Variants in PDLIM1 observed in about 807,000 individuals in gnomAD.
The protein encoded by PDLIM1 is PDZ and LIM domain 1, also known as PDZ and LIM domain protein 1.
Under a neutral mutation model 35.2 loss-of-function variants are expected in PDLIM1, and 25 were observed. That is an observed-to-expected ratio of 0.71 (90% CI 0.52 to 0.99). The LOEUF (loss-of-function observed/expected upper bound fraction) is 0.99, where lower values mean the gene tolerates loss of function less well. PDLIM1 is among the 50% of genes least tolerant of loss of function. PDLIM1 has a pLI of 0.00. For synonymous variants in PDLIM1, 152 were observed against 154.0 expected, an observed-to-expected ratio of 0.99 and a Z score of 0.10; for missense variants, 363 against 415.3, an observed-to-expected ratio of 0.87 and a Z score of 1.09.
At chr10:95,276,570 A>ATCC (rs2035513229) in intron 1 of PDLIM1, among the ~76,000 whole-genome samples, 1 of 152,196 alleles carries the variant, frequency 6.6e-6, no homozygotes, top group African/African-American at 2.4e-5. Context: ...GCCAAACACT[A>ATCC]TTTATCACAA....
chr10:95,268,223 C>CT (rs45520138), intron 3 of PDLIM1, among the ~76,000 whole-genome samples: 2,339 of 151,988 alleles, frequency 0.015, 14 homozygotes, highest in Non-Finnish European at 0.022. Flanking sequence ...CTATGTACTG[C>CT]TTTTTTTTAT....
chr10:95,289,983 C>G (rs927628579), intron 1 of PDLIM1, among the ~76,000 whole-genome samples: 2 of 152,236 alleles, frequency 1.3e-5, no homozygotes, highest in African/African-American at 4.8e-5. Flanking sequence ...CTGGGTCTCC[C>G]TGGGGGTTTC....
chr10:95,276,349 G>C (rs1350565344), intron 1 of PDLIM1, among the ~76,000 whole-genome samples: 4 of 151,834 alleles, frequency 2.6e-5, no homozygotes, highest in Non-Finnish European at 5.9e-5. Flanking sequence ...TTCTACATAG[G>C]ACCTGGAGTG....
At position 95,280,361 on chromosome 10, in the gene PDLIM1, C is replaced by T. The variant is rs529557242; in HGVS notation, c.97-8577G>A. ...CTGCACTCCAGCCTGGGCAACAGAG[C>T]GAGATTCCATCTCCAAAAAATTAAA... On this transcript the variant is annotated intron_variant, in intron 1 of 6. Coordinates refer to ENST00000329399, the MANE Select transcript of PDLIM1 (RefSeq NM_020992.4). 1.4e-4 allele frequency among the ~76,000 whole-genome samples: 22 copies of T among 152,130 alleles called. 1 individual carries two copies. The highest frequency in any genetic ancestry group is 6.5e-4 in the Admixed American group (10 of 15,274).
Position 95,252,575 on chromosome 10 carries a change from C to T in PDLIM1, c.534-5209G>A, listed in dbSNP as rs538005747. ...ATAAGACAATAAAGAGATGCCAACA[C>T]CAAGATGACAGAGATGTTGGGATTA... On this transcript the variant is annotated intron_variant, in intron 4 of 6. Transcript: ENST00000329399. 2.0e-5 allele frequency among the ~76,000 whole-genome samples: 3 copies of T among 152,186 alleles called. No homozygotes were observed. The South Asian group carries it at 6.2e-4, about 32-fold the overall frequency.
intron 1 of PDLIM1, among the ~76,000 whole-genome samples, chr10:95,285,651 T>A (rs2035596186): frequency 6.6e-6 from 1 of 152,128 alleles, no homozygotes; most frequent in East Asian, 1.9e-4. Flanking sequence ...TATATTACTA[T>A]GACATAGAGA....
At chr10:95,280,364 G>A (rs562588547) in intron 1 of PDLIM1, among the ~76,000 whole-genome samples, 5 of 152,228 alleles carry the variant, frequency 3.3e-5, no homozygotes, top group Admixed American at 1.3e-4. Context: ...AACAGAGCGA[G>A]ATTCCATCTC....
intron 1 of PDLIM1, among the ~76,000 whole-genome samples, chr10:95,272,667 A>AAAT (rs1283813185): frequency 1.3e-5 from 2 of 151,898 alleles, no homozygotes; most frequent in South Asian, 2.1e-4. Context: ...TCGTCTCAAA[A>AAAT]AATAATAATA....
At position 95,270,401 on chromosome 10, in the gene PDLIM1, A is replaced by T. The variant is rs192875689; in HGVS notation, c.248+1232T>A. On this transcript the variant is annotated intron_variant, in intron 2 of 6. Coordinates refer to ENST00000329399, the MANE Select transcript of PDLIM1 (RefSeq NM_020992.4). ...TCTAACCAAAGGCTCCATGACAAAG[A>T]GCTGTGGCAGCTAAGGTTAGTGAGA... Among the ~76,000 whole-genome samples the T allele has an allele frequency of 2.2e-3, 336 of 152,260 alleles. 1 individual carries two copies. Among genetic ancestry groups the T allele is most frequent in the African/African-American group, 6.6e-3 (276 of 41,564 alleles).
At chr10:95,248,809 G>C (rs1452469642) in intron 4 of PDLIM1, among the ~76,000 whole-genome samples, 1 of 152,176 alleles carries the variant, frequency 6.6e-6, no homozygotes, top group Non-Finnish European at 1.5e-5. Flanking sequence ...GGAAACACTA[G>C]CTTCACAGCC....
intron 1 of PDLIM1, among the ~76,000 whole-genome samples, chr10:95,284,884 G>A (rs1351522501): frequency 2.0e-5 from 3 of 152,144 alleles, no homozygotes; most frequent in Non-Finnish European, 4.4e-5. Context: ...ACTCAGCCAC[G>A]GATGAGCAGC....
At chr10:95,275,530 C>T (rs2035503000) in intron 1 of PDLIM1, among the ~76,000 whole-genome samples, 1 of 152,174 alleles carries the variant, frequency 6.6e-6, no homozygotes, top group Non-Finnish European at 1.5e-5. Flanking sequence ...AATATGTAAT[C>T]AGCCTGCTTC....
At chr10:95,247,444 G>T in intron 4 of PDLIM1, 78 bp from the exon 5 acceptor site, 1 of 1,164,160 alleles carries the variant, frequency 8.6e-7, no homozygotes, top group Non-Finnish European at 1.2e-6. Context: ...CCTCCAGGCA[G>T]ACACTGCTGA....
chr10:95,271,704 G>A lies in PDLIM1; in HGVS notation c.177C>T (p.Ser59=). 1 of 1,612,108 alleles carries A rather than the reference G, an allele frequency of 6.2e-7. No individual in the cohort carries two copies. The highest frequency in any genetic ancestry group is 1.1e-5 in the South Asian group (1 of 90,592). ...TCTGAGCTTCCAAGTGTGTCATATT[G>A]CTAGTATTTTCCCCATCAATGGCTG... ...VITAIDGENT[S]NMTHLEAQNR... Residue 59 remains serine, a synonymous_variant, in exon 2 of 7, where the codon AGC becomes AGT. Coordinates refer to ENST00000329399, the MANE Select transcript of PDLIM1 (RefSeq NM_020992.4).
intron 3 of PDLIM1, among the ~76,000 whole-genome samples, chr10:95,268,453 C>G (rs1296671227): frequency 6.6e-6 from 1 of 152,162 alleles, no homozygotes; most frequent in South Asian, 2.1e-4. Flanking sequence ...TTGCTGAAAT[C>G]CATAACGAGC....
At position 95,238,619 on chromosome 10, in the gene PDLIM1, A is replaced by G; in HGVS notation, c.752T>C (p.Ile251Thr). 1 of 1,614,046 alleles carries G rather than the reference A, an allele frequency of 6.2e-7. No individual in the cohort carries two copies. The highest frequency in any genetic ancestry group is 2.2e-5 in the East Asian group (1 of 44,882). Residue 251 changes from isoleucine to threonine, a missense_variant, in exon 6 of 7, where the codon ATT becomes ACT. Physicochemically the swap from Ile to Thr is moderately conservative, Grantham distance 89 (BLOSUM62 -1). Transcript: ENST00000329399. ...KAPVTKVAAS[I>T]GNAQKLPMCD... The stretch of plus-strand genomic sequence containing the variant: ...CATAGGCAACTTCTGAGCATTTCCA[A>G]TCGACGCAGCCACTTTAGTGACAGG...
At chr10:95,282,102 T>C (rs937233793) in intron 1 of PDLIM1, among the ~76,000 whole-genome samples, 96 of 152,344 alleles carry the variant, frequency 6.3e-4, no homozygotes, top group African/African-American at 2.3e-3. Flanking sequence ...GATAAAGAAA[T>C]GTGAGATTCA....
At chr10:95,279,767 T>C (rs1216897648) in intron 1 of PDLIM1, among the ~76,000 whole-genome samples, 1 of 152,148 alleles carries the variant, frequency 6.6e-6, no homozygotes, top group Non-Finnish European at 1.5e-5. Flanking sequence ...AATGTGATTC[T>C]CAAACAAGCC....
chr10:95,287,632 T>C (rs953706201), intron 1 of PDLIM1, among the ~76,000 whole-genome samples: 1 of 151,848 alleles, frequency 6.6e-6, no homozygotes, highest in Non-Finnish European at 1.5e-5. Flanking sequence ...CCCTTGAAAG[T>C]AACTAGAGGG....
Sources: allele counts gnomAD v4.1 joint callset (sites outside exome capture counted in the v4.1 genomes callset), GRCh38; gene constraint gnomAD v4.1.1; transcripts MANE v1.5; gene names NCBI Gene and HGNC (gene_info 2026-07-23, HGNC 2026-07-21).